SEMA6D: variants seen among roughly 807,000 people sequenced by gnomAD.
SEMA6D encodes the protein semaphorin 6D, also known as semaphorin-6D.
A neutral mutation model predicts 106.6 loss-of-function variants in SEMA6D; 35 were observed. That is an observed-to-expected ratio of 0.33 (90% CI 0.25 to 0.44). SEMA6D has a LOEUF of 0.44. Ranked by LOEUF, SEMA6D falls within the 20% of genes least tolerant of loss-of-function variation. The probability of loss-of-function intolerance (pLI) is 1.00; values close to 1 mark genes in which losing one functional copy is unlikely to be tolerated. For synonymous variants in SEMA6D, 499 were observed against 487.7 expected (o/e 1.02, Z -0.31); for missense variants, 1,185 against 1,345.9 (o/e 0.88, Z 1.87).
chr15:47,249,731 G>C (rs1329741733), intron 1 of SEMA6D, among the ~76,000 whole-genome samples: 1 of 152,260 alleles, frequency 6.6e-6, no homozygotes, highest in East Asian at 1.9e-4. Flanking sequence ...GATGAATAAA[G>C]GTCCTTAGCA....
At chr15:47,333,411 C>A (rs1197063201) in intron 1 of SEMA6D, among the ~76,000 whole-genome samples, 1 of 152,088 alleles carries the variant, frequency 6.6e-6, no homozygotes, top group African/African-American at 2.4e-5. Context: ...TAACATAGTT[C>A]CCCTTTAGTG....
At position 47,773,405 on chromosome 15, in the gene SEMA6D, T is replaced by TA. The variant is rs1370041468; in HGVS notation, c.*1621dup. The TA allele has an allele frequency of 2.6e-5, 4 of 152,632 alleles. No homozygotes were observed. Among genetic ancestry groups the TA allele is most frequent in the Admixed American group, 1.3e-4 (2 of 15,270 alleles). The allele number at this position is 152,632 out of a possible 1,614,324, so 9.5% of individuals were successfully genotyped here. On this transcript the variant is annotated 3_prime_UTR_variant, in exon 19 of 19. Coordinates refer to ENST00000536845, the MANE Select transcript of SEMA6D (RefSeq NM_001358351.3). The stretch of plus-strand genomic sequence containing the variant: ...TATACGTAGTTTGGCAGAAACCACT[T>TA]ACGGCTGATGATGCGCAACCCTGCT...
At chr15:47,742,542 T>G (rs963570008) in intron 1 of SEMA6D, among the ~76,000 whole-genome samples, 6 of 152,218 alleles carry the variant, frequency 3.9e-5, no homozygotes, top group African/African-American at 1.4e-4. Flanking sequence ...GGACTGGTGA[T>G]TACAGCACCT....
chr15:47,612,363 C>T (rs1210536656), intron 4 of SEMA6D, among the ~76,000 whole-genome samples: 2 of 152,170 alleles, frequency 1.3e-5, no homozygotes, highest in Non-Finnish European at 2.9e-5. Flanking sequence ...TCATCAGTCC[C>T]TTGCCTACCT....
intron 3 of SEMA6D, among the ~76,000 whole-genome samples, chr15:47,515,722 G>A (rs2044366585): frequency 6.6e-6 from 1 of 152,160 alleles, no homozygotes; most frequent in African/African-American, 2.4e-5. Flanking sequence ...AACAATGTTA[G>A]CATCTTCTTA....
intron 1 of SEMA6D, among the ~76,000 whole-genome samples, chr15:47,186,363 A>G (rs899030507): frequency 1.3e-5 from 2 of 152,174 alleles, no homozygotes; most frequent in African/African-American, 4.8e-5. Context: ...CAAGGAGAGA[A>G]GAGAGAGTTA....
chr15:47,566,346 G>A (rs2046228755), intron 3 of SEMA6D, among the ~76,000 whole-genome samples: 1 of 152,234 alleles, frequency 6.6e-6, no homozygotes, highest in Non-Finnish European at 1.5e-5. Flanking sequence ...AATGAGTGGA[G>A]AGAGTAGGAG....
At chr15:47,362,490 C>T (rs1287247698) in intron 1 of SEMA6D, among the ~76,000 whole-genome samples, 1 of 152,164 alleles carries the variant, frequency 6.6e-6, no homozygotes, top group Admixed American at 6.5e-5. Context: ...TGACTTTAAA[C>T]TCTGGCCTCT....
chr15:47,596,191 GCTACAAAAA>G (rs1191414542), intron 3 of SEMA6D, among the ~76,000 whole-genome samples: 1 of 151,918 alleles, frequency 6.6e-6, no homozygotes, highest in Non-Finnish European at 1.5e-5. Flanking sequence ...ATTCACAATA[GCTACAAAAA>G]CTAAAATACC....
intron 1 of SEMA6D, among the ~76,000 whole-genome samples, chr15:47,371,833 C>T (rs947427363): frequency 2.0e-5 from 3 of 152,160 alleles, no homozygotes; most frequent in Non-Finnish European, 2.9e-5. Context: ...TGCTTAGTTG[C>T]TTGTCAGGCC....
intron 1 of SEMA6D, among the ~76,000 whole-genome samples, chr15:47,723,934 TC>T (rs2079571749): frequency 6.6e-6 from 1 of 152,212 alleles, no homozygotes. Context: ...GAGTTTCTAC[TC>T]AGCTGAGGAA....
chr15:47,601,152 C>A (rs1338035632), intron 4 of SEMA6D, among the ~76,000 whole-genome samples: 1 of 151,988 alleles, frequency 6.6e-6, no homozygotes, highest in African/African-American at 2.4e-5. Flanking sequence ...GTATCTTTTT[C>A]TTGCCCAGTC....
At chr15:47,746,084 AAATACT>A (rs2081115306) in intron 1 of SEMA6D, among the ~76,000 whole-genome samples, 1 of 152,208 alleles carries the variant, frequency 6.6e-6, no homozygotes, top group Non-Finnish European at 1.5e-5. Context: ...TACAGAAGGC[AAATACT>A]AATACAAAGG....
intron 3 of SEMA6D, among the ~76,000 whole-genome samples, chr15:47,565,977 C>A: frequency 6.6e-6 from 1 of 152,084 alleles, no homozygotes. Context: ...TCGCAAAACC[C>A]CAAGGAAAGA....
At chr15:47,249,220 TCC>T (rs1469344094) in intron 1 of SEMA6D, among the ~76,000 whole-genome samples, 1 of 152,078 alleles carries the variant, frequency 6.6e-6, no homozygotes, top group African/African-American at 2.4e-5. Context: ...GGAGTGAGAC[TCC>T]GTCTCAAAAA....
intron 1 of SEMA6D, among the ~76,000 whole-genome samples, chr15:47,300,428 G>A (rs1173762941): frequency 6.6e-6 from 1 of 151,966 alleles, no homozygotes; most frequent in Admixed American, 6.6e-5. Context: ...GTTGAGTCCT[G>A]GGGGGGTGGG....
At chr15:47,229,653 G>A (rs943549128) in intron 1 of SEMA6D, among the ~76,000 whole-genome samples, 1 of 152,084 alleles carries the variant, frequency 6.6e-6, no homozygotes, top group Non-Finnish European at 1.5e-5. Flanking sequence ...ATTCTAAGAT[G>A]TCTGCAGGAC....
At chr15:47,649,458 A>C (rs1051132660) in intron 4 of SEMA6D, among the ~76,000 whole-genome samples, 1 of 152,218 alleles carries the variant, frequency 6.6e-6, no homozygotes, top group Non-Finnish European at 1.5e-5. Flanking sequence ...AGAAAAAAAA[A>C]GTACAAGCCA....
intron 3 of SEMA6D, among the ~76,000 whole-genome samples, chr15:47,582,503 C>A (rs2076271782): frequency 6.6e-6 from 1 of 152,310 alleles, no homozygotes; most frequent in Admixed American, 6.5e-5. Flanking sequence ...CTACACTAAG[C>A]AAAAGAGGCA....
Sources: allele counts gnomAD v4.1 joint callset (sites outside exome capture counted in the v4.1 genomes callset), GRCh38; gene constraint gnomAD v4.1.1; transcripts MANE v1.5; gene names NCBI Gene and HGNC (gene_info 2026-07-23, HGNC 2026-07-21).